TPM3: variants seen among roughly 807,000 people sequenced by gnomAD.
TPM3 encodes the protein tropomyosin alpha-3 chain.
A neutral mutation model predicts 43.1 loss-of-function variants in TPM3; 16 were observed. That is an observed-to-expected ratio of 0.37 (90% CI 0.25 to 0.56). The LOEUF (loss-of-function observed/expected upper bound fraction) is 0.56, where lower values mean the gene tolerates loss of function less well. TPM3 is among the 20% of genes least tolerant of loss of function. The probability of loss-of-function intolerance (pLI) is 0.77; values close to 1 mark genes in which losing one functional copy is unlikely to be tolerated. For missense variants in TPM3, 176 were observed against 337.2 expected (o/e 0.52, Z 3.74); for synonymous variants, 101 against 116.9 (o/e 0.86, Z 0.88).
At position 154,162,510 on chromosome 1, in the gene TPM3, A is replaced by G. The variant is rs912339241; in HGVS notation, c.*5427T>C. Among the ~76,000 whole-genome samples, 2 of 152,116 alleles carry G rather than the reference A, an allele frequency of 1.3e-5. No individual in the cohort carries two copies. Among genetic ancestry groups the G allele is most frequent in the African/African-American group, 4.8e-5 (2 of 41,400 alleles). On this transcript the variant is annotated 3_prime_UTR_variant, in exon 10 of 10. Transcript: ENST00000651641. ...CTAAGATAAAGCTGCCAAACAGAAT[A>G]GGTCAGTTGTACCTATCAGATAACT...
At chr1:154,188,484 G>A (rs964305069) in intron 2 of TPM3, among the ~76,000 whole-genome samples, 1 of 150,864 alleles carries the variant, frequency 6.6e-6, no homozygotes, top group Non-Finnish European at 1.5e-5. Context: ...GACCATCCTG[G>A]CTAACACGGT....
chr1:154,169,866 TCAAAG>T, intron 8 of TPM3: 2 of 247,038 alleles, frequency 8.1e-6, no homozygotes. Context: ...ATCAGAGTTC[TCAAAG>T]CAAAGAGTAC....
At chr1:154,156,304 T>C (rs1659802932), downstream of TPM3, 2 of 183,140 alleles carry the variant, frequency 1.1e-5, no homozygotes, top group East Asian at 1.8e-4. Context: ...CCAAACCTCA[T>C]AGCTTCTGTG....
At position 154,182,787 on chromosome 1, in the gene TPM3, C is replaced by G. The variant is rs141006941; in HGVS notation, c.244-6539G>C. ...AGGCTCAATTTCTTCAAAGGTCAAG[C>G]CTGCTCGCCCGAGCACTGTTTCCCC... On this transcript the variant is annotated intron_variant, in intron 2 of 9. Transcript: ENST00000651641. 5.4e-3 allele frequency among the ~76,000 whole-genome samples: 827 copies of G among 152,282 alleles called. 5 individuals carry two copies. The highest frequency in any genetic ancestry group is 8.7e-3 in the Non-Finnish European group (592 of 68,022).
rs1253560866 is a variant in TPM3, at chr1:154,166,007, G to C, written c.*1930C>G. The stretch of plus-strand genomic sequence containing the variant: ...TCCTAGTAGATTCTAAGCAACTTGA[G>C]AGTAGGAATGGTGCCTCCATCTTTA... On this transcript the variant is annotated 3_prime_UTR_variant, in exon 10 of 10. Coordinates refer to ENST00000651641, the MANE Select transcript of TPM3 (RefSeq NM_152263.4). Among the ~76,000 whole-genome samples, 1 of 152,112 alleles carries C rather than the reference G, an allele frequency of 6.6e-6. No individual in the cohort carries two copies. The highest frequency in any genetic ancestry group is 1.5e-5 in the Non-Finnish European group (1 of 68,034).
At chr1:154,179,739 A>C (rs1287277661) in intron 2 of TPM3, among the ~76,000 whole-genome samples, 2 of 152,066 alleles carry the variant, frequency 1.3e-5, no homozygotes, top group East Asian at 3.9e-4. Context: ...ATGCGCCACC[A>C]TGCCCAGCTA....
chr1:154,183,852 C>CCTTTTTTTTTTTT (rs1370162556), intron 2 of TPM3: 2 of 99,312 alleles, frequency 2.0e-5, no homozygotes, highest in African/African-American at 7.8e-5. Flanking sequence ...GACTTTTCTC[C>CCTTTTTTTTTTTT]TTTTTTTTTT....
At chr1:154,170,078 T>C (rs2148229892) in intron 8 of TPM3, 1 of 357,604 alleles carries the variant, frequency 2.8e-6, no homozygotes, top group Non-Finnish European at 5.3e-6. Flanking sequence ...TCTGAAATCA[T>C]GGCTTCCATT....
intron 2 of TPM3, among the ~76,000 whole-genome samples, chr1:154,188,188 C>T (rs907206227): frequency 3.3e-5 from 5 of 151,394 alleles, no homozygotes; most frequent in African/African-American, 1.2e-4. Flanking sequence ...CTGGAGTACG[C>T]GGGACTACCG....
intron 1 of TPM3, 26 bp from the exon 2 acceptor site, chr1:154,191,337 CAA>C: frequency 6.2e-7 from 1 of 1,613,426 alleles, no homozygotes; most frequent in Non-Finnish European, 8.5e-7. Flanking sequence ...GAGTCACACA[CAA>C]AAACACACAA....
intron 2 of TPM3, among the ~76,000 whole-genome samples, chr1:154,177,639 T>A (rs1662485007): frequency 6.6e-6 from 1 of 152,190 alleles, no homozygotes; most frequent in South Asian, 2.1e-4. Flanking sequence ...GTAAACACGA[T>A]CTCTCTTCTA....
chr1:154,184,505 G>A (rs1165420015), intron 2 of TPM3, among the ~76,000 whole-genome samples: 1 of 152,062 alleles, frequency 6.6e-6, no homozygotes, highest in East Asian at 1.9e-4. Context: ...ACCAGCCTGG[G>A]CAATATAGCA....
chr1:154,191,330 T>G lies in TPM3; in HGVS notation c.118-19A>C, dbSNP rs767845869. The G allele has an allele frequency of 2.5e-6, 4 of 1,613,316 alleles. No homozygotes were observed. The highest frequency in any genetic ancestry group is 3.4e-6 in the Non-Finnish European group (4 of 1,179,956). On this transcript the variant is annotated intron_variant, in intron 1 of 9. Transcript: ENST00000651641. ...CCTCCAGCTATAGGAGCCCAGAGAG[T>G]CACACACAAAAACACACAAACACAA...
intron 3 of TPM3, 21 bp downstream of exon 3, chr1:154,176,094 C>A: frequency 6.2e-7 from 1 of 1,612,644 alleles, no homozygotes; most frequent in African/African-American, 1.3e-5. Flanking sequence ...AATCCACACT[C>A]CATCAGGCTT....
intron 2 of TPM3, 106 bp downstream of exon 2, chr1:154,191,080 T>C (rs2148294285): frequency 1.9e-6 from 3 of 1,554,752 alleles, no homozygotes; most frequent in Middle Eastern, 1.7e-4. Context: ...TGAGTATATA[T>C]GTCTGTGTTC....
intron 2 of TPM3, among the ~76,000 whole-genome samples, chr1:154,179,529 A>G (rs1662707126): frequency 6.6e-6 from 1 of 151,918 alleles, no homozygotes; most frequent in South Asian, 2.1e-4. Context: ...GGTTTTTGTT[A>G]TTACTTTTTT....
rs1470119121 is a variant in TPM3, at chr1:154,163,876, GCCCA to G, written c.*4057_*4060del. Among the ~76,000 whole-genome samples, 1 of 151,846 alleles carries G rather than the reference GCCCA, an allele frequency of 6.6e-6. No homozygotes were observed. The highest frequency in any genetic ancestry group is 1.5e-5 in the Non-Finnish European group (1 of 67,966). On this transcript the variant is annotated 3_prime_UTR_variant, in exon 10 of 10. Coordinates refer to ENST00000651641, the MANE Select transcript of TPM3 (RefSeq NM_152263.4). ...TCTTGATCTCCTGACCTCGTGATCC[GCCCA>G]CCTCGGCCTCCCAAAGTGCTGGGAT...
Position 154,178,348 on chromosome 1 carries a change from T to A in TPM3, c.244-2100A>T, listed in dbSNP as rs151298769. ...AGGGGGAAAACACATCTTGGTGCCC[T>A]CCTAAGAGCATGCACACATGAACAA... is the stretch of plus-strand genomic sequence containing the variant. On this transcript the variant is annotated intron_variant, in intron 2 of 9. Transcript: ENST00000651641. 343 of 197,292 alleles carry A rather than the reference T, an allele frequency of 1.7e-3. 5 individuals are homozygous for A. The highest frequency in any genetic ancestry group is 7.7e-3 in the African/African-American group (326 of 42,280). 12.2% of individuals were successfully genotyped at this position (197,292 alleles called of 1,614,324 possible). A position where few individuals can be genotyped will look rare whatever the true frequency, so the allele number is the denominator to read the frequency against.
intron 2 of TPM3, among the ~76,000 whole-genome samples, chr1:154,185,512 T>C (rs941796220): frequency 6.6e-6 from 1 of 150,488 alleles, no homozygotes; most frequent in Non-Finnish European, 1.5e-5. Flanking sequence ...TGAAACCCTG[T>C]CTCTACTAAA....
Sources: allele counts gnomAD v4.1 joint callset (sites outside exome capture counted in the v4.1 genomes callset), GRCh38; gene constraint gnomAD v4.1.1; transcripts MANE v1.5; gene names NCBI Gene and HGNC (gene_info 2026-07-23, HGNC 2026-07-21).